The following NAP1L4 variants were observed in gnomAD, a reference collection of about 807,000 sequenced individuals.
NAP1L4 encodes nucleosome assembly protein 1-like 4.
NAP1L4 carries 15 observed loss-of-function variants against 58.2 expected under a neutral mutation model. The ratio of observed to expected loss-of-function variants is 0.26; its 90% confidence interval spans 0.17 to 0.40. The LOEUF is 0.40. Ranked by LOEUF, NAP1L4 falls within the 10% of genes least tolerant of loss-of-function variation. The pLI is 1.00. For synonymous variants in NAP1L4, 171 were observed against 155.6 expected, an observed-to-expected ratio of 1.10 and a Z score of -0.74; for missense variants, 384 against 451.1, an observed-to-expected ratio of 0.85 and a Z score of 1.35.
At chr11:2,968,988 G>T (rs1271506347) in intron 7 of NAP1L4, among the ~76,000 whole-genome samples, 2 of 113,576 alleles carry the variant, frequency 1.8e-5, no homozygotes, top group Non-Finnish European at 3.7e-5. Flanking sequence ...TTGTTGTGTT[G>T]TTTTTTTTTT....
chr11:2,964,047 T>C (rs1417991479), intron 8 of NAP1L4, among the ~76,000 whole-genome samples: 3 of 152,158 alleles, frequency 2.0e-5, no homozygotes, highest in Non-Finnish European at 2.9e-5. Context: ...TGCAATGATA[T>C]GCCATGGCAA....
rs186869063 is a variant in NAP1L4, at chr11:2,954,880, C to A, written c.916-234G>T. 1.0e-5 allele frequency: 6 copies of A among 578,686 alleles called. No individual in the cohort carries two copies. The East Asian group carries it at 1.5e-4, about 14-fold the overall frequency. The allele number at this position is 578,686 out of a possible 1,614,324, so 35.8% of individuals were successfully genotyped here. On this transcript the variant is annotated intron_variant, in intron 11 of 15. Transcript: ENST00000380542. The surrounding 1 kb of genome is among the most constrained non-coding windows in gnomAD (Gnocchi z 4.8). The stretch of plus-strand genomic sequence containing the variant: ...GAGAAAGTGGGAAGTGAGGGCCCTA[C>A]AGCTCCACAACTTGTCCAAAGGTCT...
Position 2,955,656 on chromosome 11 carries a change from A to G in NAP1L4, c.915+88T>C. The G allele has an allele frequency of 7.4e-7, 1 of 1,350,688 alleles. No individual in the cohort carries two copies. Among genetic ancestry groups the G allele is most frequent in the African/African-American group, 1.5e-5 (1 of 68,756 alleles). 83.7% of individuals were successfully genotyped at this position (1,350,688 alleles called of 1,614,324 possible). ...CATACCCAGTCCACACACAGCCAGG[A>G]CTGGACTTTTTTTAACAAGTAGACA... On this transcript the variant is annotated intron_variant, in intron 11 of 15. Coordinates refer to ENST00000380542, the MANE Select transcript of NAP1L4 (RefSeq NM_005969.4). The surrounding 1 kb of genome is among the most constrained non-coding windows in gnomAD (Gnocchi z 4.2).
intron 12 of NAP1L4, among the ~76,000 whole-genome samples, chr11:2,953,575 C>T (rs901139429): frequency 6.6e-6 from 1 of 152,204 alleles, no homozygotes. Flanking sequence ...GTCCATGTTC[C>T]CTGACCTGCA....
chr11:2,955,746 G>C lies in NAP1L4; in HGVS notation c.913C>G (p.Leu305Val). ...AGACTATTAACAACAAATCTTACCA[G>C]TGATTCTCCATCCCCGGATGCTAGA... ...PLKASGDGES[L>V]DEDSEFTLAS... Residue 305 changes from leucine to valine, a missense_variant and splice_region_variant, in exon 11 of 16, where the codon CTG (leucine) becomes GTG (valine). Around this residue, in one of 3 missense-constraint regions of NAP1L4, gnomAD observed 296 missense variants for 360.8 expected, o/e 0.82. Transcript: ENST00000380542. This position sits in a 1 kb window ranked among gnomAD's most constrained non-coding sequence, Gnocchi z 4.2. The C allele has an allele frequency of 6.2e-7, 1 of 1,612,394 alleles. No individual in the cohort carries two copies. The highest frequency in any genetic ancestry group is 1.1e-5 in the South Asian group (1 of 91,034).
chr11:2,948,552 G>A lies in NAP1L4; in HGVS notation c.*32+675C>T, dbSNP rs1374198165. ...CATTCCAGGACAGGGCAGAGCTACA[G>A]GGACTGAAGAAAGTGGAGTGGGAAA... On this transcript the variant is annotated intron_variant, in intron 15 of 15. Coordinates refer to ENST00000380542, the MANE Select transcript of NAP1L4 (RefSeq NM_005969.4). The surrounding 1 kb of genome is among the most constrained non-coding windows in gnomAD (Gnocchi z 5.1). Among the ~76,000 whole-genome samples the A allele has an allele frequency of 6.6e-6, 1 of 152,176 alleles. No individual in the cohort carries two copies. Among genetic ancestry groups the A allele is most frequent in the African/African-American group, 2.4e-5 (1 of 41,444 alleles).
rs376933138 is a variant in NAP1L4, at chr11:2,951,307, T to C, written c.1074A>G (p.Glu358=). The C allele has an allele frequency of 3.7e-6, 6 of 1,613,796 alleles. No homozygotes were observed. In the African/African-American group the frequency reaches 8.0e-5, roughly 22 times the overall value. Residue 358 remains glutamate, a synonymous_variant, in exon 14 of 16, where the codon GAA becomes GAG. Coordinates refer to ENST00000380542, the MANE Select transcript of NAP1L4 (RefSeq NM_005969.4). This position sits in a 1 kb window ranked among gnomAD's most constrained non-coding sequence, Gnocchi z 4.0. ...EGEEGEEEEL[E]GDEEGEDEDD... ...CCTCGTCTTCTCCCTCCTCGTCACC[T>C]TCTAATTCCTGTATTTAAAAAGTGA...
At chr11:2,979,872 T>C (rs1290679120) in intron 1 of NAP1L4, among the ~76,000 whole-genome samples, 3 of 152,192 alleles carry the variant, frequency 2.0e-5, no homozygotes. Flanking sequence ...TTATAATACA[T>C]TCGGCAACAC....
chr11:2,965,439 A>G, intron 7 of NAP1L4, among the ~76,000 whole-genome samples: 1 of 152,234 alleles, frequency 6.6e-6, no homozygotes, highest in East Asian at 1.9e-4. Flanking sequence ...AAGGTACAGT[A>G]AGAATATGGT....
chr11:2,957,580 G>A (rs1846617851), intron 10 of NAP1L4, among the ~76,000 whole-genome samples: 1 of 152,206 alleles, frequency 6.6e-6, no homozygotes. Flanking sequence ...AAACTAAAGA[G>A]AATATGGATA....
At chr11:2,985,399 CTGTT>C (rs1453574755) in intron 1 of NAP1L4, among the ~76,000 whole-genome samples, 2 of 95,002 alleles carry the variant, frequency 2.1e-5, no homozygotes, top group African/African-American at 3.5e-5. Context: ...AAATAAATAT[CTGTT>C]TGTTTTAAAT....
At position 2,949,386 on chromosome 11, in the gene NAP1L4, C is replaced by G; in HGVS notation, c.1123-122G>C. 5 of 790,594 alleles carry G rather than the reference C, an allele frequency of 6.3e-6. No homozygotes were observed. The South Asian group carries it at 7.3e-5, about 12-fold the overall frequency. The allele number at this position is 790,594 out of a possible 1,614,324, so 49.0% of individuals were successfully genotyped here. ...CAAAAGGGCTGCAAGATACTGAACTCGGGGTGAACAACTTCAACACTAGAT... is the reference window on the plus strand; with the variant it reads ...CAAAAGGGCTGCAAGATACTGAACTGGGGGTGAACAACTTCAACACTAGAT... On this transcript the variant is annotated intron_variant, in intron 14 of 15. Transcript: ENST00000380542. The surrounding 1 kb of genome is among the most constrained non-coding windows in gnomAD (Gnocchi z 4.0).
chr11:2,980,140 C>G (rs1190166551), intron 1 of NAP1L4, among the ~76,000 whole-genome samples: 1 of 152,056 alleles, frequency 6.6e-6, no homozygotes. Flanking sequence ...AGGGTGTGTT[C>G]TAGGGCATTT....
At chr11:2,977,767 T>C (rs888737327) in intron 3 of NAP1L4, among the ~76,000 whole-genome samples, 1 of 152,098 alleles carries the variant, frequency 6.6e-6, no homozygotes, top group Non-Finnish European at 1.5e-5. Flanking sequence ...AGATATAGTT[T>C]TTTTTAATGG....
In NAP1L4 at chr11:2,970,007, C is replaced by A; in HGVS notation, c.403-73G>T. ...AATGCAGCGGCTTCACGTAGAATAT[C>A]GTTGCCGAATCCTCTACTATCTCCC... On this transcript the variant is annotated intron_variant, in intron 6 of 15. Coordinates refer to ENST00000380542, the MANE Select transcript of NAP1L4 (RefSeq NM_005969.4). The A allele has an allele frequency of 4.1e-6, 6 of 1,471,046 alleles. No homozygotes were observed. In the Admixed American group the frequency reaches 6.5e-5, roughly 16 times the overall value. The allele number at this position is 1,471,046 out of a possible 1,614,324, so 91.1% of individuals were successfully genotyped here. A position where few individuals can be genotyped will look rare whatever the true frequency, so the allele number is the denominator to read the frequency against.
Position 2,945,385 on chromosome 11 carries a change from T to G in NAP1L4, c.*294A>C. The G allele has an allele frequency of 1.8e-6, 1 of 540,864 alleles. No individual in the cohort carries two copies. The highest frequency in any genetic ancestry group is 2.3e-5 in the South Asian group (1 of 43,326). 33.5% of individuals were successfully genotyped at this position (540,864 alleles called of 1,614,324 possible). A position where few individuals can be genotyped will look rare whatever the true frequency, so the allele number is the denominator to read the frequency against. The stretch of plus-strand genomic sequence containing the variant: ...CTACAGGCACCAAGGCTGCAGAGGG[T>G]GCTGGACGAAACCTCCTATTTCTGA... On this transcript the variant is annotated 3_prime_UTR_variant, in exon 16 of 16. Transcript: ENST00000380542.
At position 2,978,295 on chromosome 11, in the gene NAP1L4, G is replaced by C. The variant is rs1286621972; in HGVS notation, c.62C>G (p.Ala21Gly). 1.9e-6 allele frequency: 3 copies of C among 1,613,862 alleles called. No homozygotes were observed. The highest frequency in any genetic ancestry group is 1.3e-5 in the African/African-American group (1 of 74,898). ...PSDSVEAAKNASNTEKLTDQV... is the reference protein window; with the variant it reads ...PSDSVEAAKNGSNTEKLTDQV... ...TGCAGTGGACTGACCTGTGTTACTT[G>C]CATTTTTAGCAGCTTCCACGGAATC... Residue 21 changes from alanine to glycine, a missense_variant, in exon 3 of 16, where the codon GCA (alanine) becomes GGA (glycine). This residue lies in a region of NAP1L4 where 84 missense variants were observed against 73.7 expected (regional missense o/e 1.14). Transcript: ENST00000380542.
At position 2,945,337 on chromosome 11, in the gene NAP1L4, G is replaced by GAA. The variant is rs570235025; in HGVS notation, c.*340_*341dup. The stretch of plus-strand genomic sequence containing the variant: ...GTGGTCTACAGGGCCCTCCCACAGG[G>GAA]AAAGGCCCAGGGAAGTCCAGAGCTA... On this transcript the variant is annotated 3_prime_UTR_variant, in exon 16 of 16. Coordinates refer to ENST00000380542, the MANE Select transcript of NAP1L4 (RefSeq NM_005969.4). 7.4e-6 allele frequency: 3 copies of GAA among 403,792 alleles called. No individual in the cohort carries two copies. Among genetic ancestry groups the GAA allele is most frequent in the Non-Finnish European group, 1.3e-5 (3 of 225,056 alleles). 25.0% of individuals were successfully genotyped at this position (403,792 alleles called of 1,614,324 possible).
chr11:2,986,800 G>C (rs1283416611), intron 1 of NAP1L4, among the ~76,000 whole-genome samples: 1 of 119,648 alleles, frequency 8.4e-6, no homozygotes, highest in African/African-American at 3.2e-5. Flanking sequence ...TTTTTTTTTT[G>C]TATTTTTAGT....
Sources: allele counts gnomAD v4.1 joint callset (sites outside exome capture counted in the v4.1 genomes callset), GRCh38; gene constraint gnomAD v4.1.1; regional missense constraint gnomAD v4.1.1; non-coding constraint Gnocchi (gnomAD v3.1); transcripts MANE v1.5; gene names NCBI Gene and HGNC (gene_info 2026-07-23, HGNC 2026-07-21).